The following RIMS2 variants were observed in gnomAD, a reference collection of about 807,000 sequenced individuals.
RIMS2 encodes the protein regulating synaptic membrane exocytosis protein 2.
In RIMS2, 59 loss-of-function variants were observed where a neutral mutation model predicts 174.4. The observed-to-expected ratio is 0.34, with a 90% CI of 0.27 to 0.42. The LOEUF (loss-of-function observed/expected upper bound fraction) is 0.42. Among genes scored for constraint, RIMS2 ranks in the 10% least tolerant of loss-of-function variants. The probability of loss-of-function intolerance (pLI) is 1.00; values close to 1 mark genes in which losing one functional copy is unlikely to be tolerated. For synonymous variants in RIMS2, 606 were observed against 572.5 expected (o/e 1.06, Z -0.84); for missense variants, 1,620 against 1,666.3 (o/e 0.97, Z 0.48).
chr8:104,199,102 C>T (rs2441906), intron 19 of RIMS2, among the ~76,000 whole-genome samples: 24,224 of 151,936 alleles, frequency 0.16, 2,487 homozygotes, highest in Non-Finnish European at 0.23. Flanking sequence ...CTCTTTGTCG[C>T]TCAGGCTGGA....
intron 1 of RIMS2, among the ~76,000 whole-genome samples, chr8:103,654,911 A>G (rs912579396): frequency 6.6e-6 from 1 of 152,118 alleles, no homozygotes; most frequent in South Asian, 2.1e-4. Flanking sequence ...AGCTAGTATT[A>G]AAAATCTATT....
At position 104,199,691 on chromosome 8, in the gene RIMS2, G is replaced by T. The variant is rs115192334; in HGVS notation, c.3335-45225G>T. Among the ~76,000 whole-genome samples, 698 of 152,276 alleles carry T rather than the reference G, an allele frequency of 4.6e-3. 9 individuals are homozygous for T. The highest frequency in any genetic ancestry group is 0.016 in the African/African-American group (656 of 41,560). On this transcript the variant is annotated intron_variant, in intron 19 of 23. Coordinates refer to ENST00000504942, the Ensembl canonical transcript of RIMS2. ...GGTGGAACTGAACTCAATCTTGAAG[G>T]ACAGACAGTATATCAATAAGCAGAG...
chr8:103,874,484 C>A (rs1266499075), intron 3 of RIMS2, among the ~76,000 whole-genome samples: 1 of 151,920 alleles, frequency 6.6e-6, no homozygotes, highest in Non-Finnish European at 1.5e-5. Context: ...TTCCTATTTT[C>A]TTCATTCAAA....
intron 1 of RIMS2, among the ~76,000 whole-genome samples, chr8:103,583,422 G>A (rs2093727340): frequency 6.6e-6 from 1 of 152,104 alleles, no homozygotes; most frequent in Non-Finnish European, 1.5e-5. Flanking sequence ...GGGAAAACAT[G>A]ACCTCACCAA....
intron 3 of RIMS2, among the ~76,000 whole-genome samples, chr8:103,783,632 G>A (rs2098413528): frequency 6.6e-6 from 1 of 151,940 alleles, no homozygotes; most frequent in Non-Finnish European, 1.5e-5. Context: ...ATTCCATGGT[G>A]TATATGTGCC....
At chr8:103,985,627 T>C (rs995578895) in intron 16 of RIMS2, among the ~76,000 whole-genome samples, 4 of 152,034 alleles carry the variant, frequency 2.6e-5, no homozygotes, top group Non-Finnish European at 5.9e-5. Flanking sequence ...ACACCTACTA[T>C]GTACTCACAA....
intron 1 of RIMS2, among the ~76,000 whole-genome samples, chr8:103,694,098 C>G (rs1357694957): frequency 6.6e-5 from 10 of 152,260 alleles, no homozygotes; most frequent in East Asian, 1.9e-4. Context: ...TACTGTCACA[C>G]TATTGATCTG....
At chr8:104,003,234 T>C (rs2095454474) in intron 17 of RIMS2, among the ~76,000 whole-genome samples, 1 of 152,048 alleles carries the variant, frequency 6.6e-6, no homozygotes. Context: ...AAAGAATAAA[T>C]AGGAATTATT....
intron 19 of RIMS2, among the ~76,000 whole-genome samples, chr8:104,035,955 A>G (rs980479915): frequency 3.3e-5 from 5 of 152,068 alleles, no homozygotes; most frequent in African/African-American, 1.2e-4. Flanking sequence ...TAAATAACAC[A>G]TTCTTTCATT....
chr8:103,862,846 AT>A (rs2099065771), intron 3 of RIMS2, among the ~76,000 whole-genome samples: 1 of 152,050 alleles, frequency 6.6e-6, no homozygotes, highest in Non-Finnish European at 1.5e-5. Flanking sequence ...TACTGAAGTT[AT>A]TTATTAAGTC....
intron 3 of RIMS2, among the ~76,000 whole-genome samples, chr8:103,783,638 G>C (rs2154434606): frequency 1.3e-5 from 2 of 152,024 alleles, no homozygotes; most frequent in South Asian, 4.2e-4. Context: ...TGGTGTATAT[G>C]TGCCACATTT....
intron 19 of RIMS2, among the ~76,000 whole-genome samples, chr8:104,054,531 T>G (rs1195296821): frequency 6.6e-6 from 1 of 152,176 alleles, no homozygotes; most frequent in Non-Finnish European, 1.5e-5. Context: ...GGATAAAATG[T>G]AGCAAAAGTT....
intron 3 of RIMS2, among the ~76,000 whole-genome samples, chr8:103,859,166 T>G (rs1026025203): frequency 1.3e-5 from 2 of 152,104 alleles, no homozygotes. Flanking sequence ...CTGCCAGCAA[T>G]TGGTCCCAAT....
rs147103594 is a variant in RIMS2 at position 103,737,628 on chromosome 8, A to G, written c.388-28599A>G. Among the ~76,000 whole-genome samples, 340 of 152,298 alleles carry G rather than the reference A, an allele frequency of 2.2e-3. 1 individual carries two copies. Among genetic ancestry groups the G allele is most frequent in the African/African-American group, 7.8e-3 (323 of 41,572 alleles). ...CTCACGTAACTTCCTATTGGGGCACACAGGGAAGGCAAAATGCAATCTGGC... is the reference window on the plus strand; with the variant it reads ...CTCACGTAACTTCCTATTGGGGCACGCAGGGAAGGCAAAATGCAATCTGGC... On this transcript the variant is annotated intron_variant, in intron 2 of 23. Transcript: ENST00000504942.
intron 19 of RIMS2, among the ~76,000 whole-genome samples, chr8:104,016,571 T>C (rs184791852): frequency 1.3e-5 from 2 of 152,180 alleles, no homozygotes; most frequent in African/African-American, 4.8e-5. Flanking sequence ...TAGTTCTTAA[T>C]TATTTGCTTA....
intron 15 of RIMS2, among the ~76,000 whole-genome samples, chr8:103,969,236 AT>A (rs1342559315): frequency 2.0e-5 from 3 of 151,826 alleles, no homozygotes; most frequent in African/African-American, 7.3e-5. Context: ...GGTTCCTGAC[AT>A]TAGTTTGGGG....
intron 1 of RIMS2, among the ~76,000 whole-genome samples, chr8:103,578,891 C>T (rs1200529186): frequency 6.6e-6 from 1 of 151,884 alleles, no homozygotes; most frequent in Admixed American, 6.6e-5. Flanking sequence ...ACTCAGGAAG[C>T]TGAGGCAGGA....
intron 17 of RIMS2, among the ~76,000 whole-genome samples, chr8:104,002,961 A>G (rs1199609932): frequency 6.6e-6 from 1 of 152,180 alleles, no homozygotes; most frequent in East Asian, 1.9e-4. Context: ...TTCATTGTGC[A>G]TTTTTAAATT....
chr8:103,526,971 G>T (rs966685371), intron 1 of RIMS2, among the ~76,000 whole-genome samples: 2 of 152,048 alleles, frequency 1.3e-5, no homozygotes, highest in Non-Finnish European at 2.9e-5. Context: ...CACAATAATG[G>T]CCAAAACCCC....
Sources: gnomAD v4.1 joint callset for allele counts (sites outside exome capture counted in the v4.1 genomes callset) on GRCh38, gnomAD v4.1.1 for gene constraint, MANE v1.5 for transcripts, NCBI Gene and HGNC (gene_info 2026-07-23, HGNC 2026-07-21) for gene names.